Variants in CNIH3 observed in about 807,000 individuals in gnomAD.
CNIH3 encodes the protein protein cornichon homolog 3.
In CNIH3, 14 loss-of-function variants were observed where a neutral mutation model predicts 24.1. That is an observed-to-expected ratio of 0.58 (90% CI 0.38 to 0.91). The LOEUF (loss-of-function observed/expected upper bound fraction) is 0.91. CNIH3 is among the 40% of genes least tolerant of loss of function. The pLI is 0.00. For synonymous variants in CNIH3, 68 were observed against 73.8 expected, an observed-to-expected ratio of 0.92 and a Z score of 0.40; for missense variants, 178 against 196.8, an observed-to-expected ratio of 0.90 and a Z score of 0.57.
chr1:224,613,341 C>A (rs146065645), upstream of CNIH3, among the ~76,000 whole-genome samples: 415 of 152,320 alleles, frequency 2.7e-3, 1 homozygote, highest in African/African-American at 9.7e-3. Flanking sequence ...GGAAGAAATA[C>A]TTCTGTAAAA....
At chr1:224,465,250 C>G (rs1483950813) in intron 1 of CNIH3, among the ~76,000 whole-genome samples, 4 of 152,170 alleles carry the variant, frequency 2.6e-5, no homozygotes. Context: ...GCTGGGATTA[C>G]AGGCATGCAC....
At chr1:224,491,479 T>C (rs572767776) in intron 1 of CNIH3, among the ~76,000 whole-genome samples, 16 of 152,340 alleles carry the variant, frequency 1.1e-4, no homozygotes, top group African/African-American at 3.8e-4. Context: ...ATAAATTATG[T>C]TTAAAACAAT....
At chr1:224,485,117 G>A (rs554771715) in intron 1 of CNIH3, among the ~76,000 whole-genome samples, 22 of 152,258 alleles carry the variant, frequency 1.4e-4, no homozygotes, top group African/African-American at 4.6e-4. Flanking sequence ...ATGTAGTTGA[G>A]TTTATTGGAA....
chr1:224,608,826 A>T (rs1013373668), intron 3 of CNIH3, among the ~76,000 whole-genome samples: 14 of 152,198 alleles, frequency 9.2e-5, no homozygotes, highest in African/African-American at 2.4e-5. Context: ...CCACATGCAC[A>T]GTGTGTTTAC....
chr1:224,479,918 G>A (rs994318070), intron 1 of CNIH3, among the ~76,000 whole-genome samples: 3 of 152,118 alleles, frequency 2.0e-5, no homozygotes, highest in African/African-American at 4.8e-5. Context: ...GGAGGACAGC[G>A]GCCCTATTTT....
chr1:224,453,130 T>A (rs1278914071), intron 1 of CNIH3, among the ~76,000 whole-genome samples: 1 of 151,358 alleles, frequency 6.6e-6, no homozygotes, highest in African/African-American at 2.4e-5. Context: ...CAAAAAAAAA[T>A]TATATGTATT....
At chr1:224,694,086 G>A (rs757346926) in intron 3 of CNIH3, among the ~76,000 whole-genome samples, 3 of 152,234 alleles carry the variant, frequency 2.0e-5, no homozygotes, top group Non-Finnish European at 4.4e-5. Flanking sequence ...TGTGGAGGAG[G>A]AGAGGAGAGG....
intron 4 of CNIH3, among the ~76,000 whole-genome samples, chr1:224,731,059 A>G (rs1358516330): frequency 1.3e-5 from 2 of 152,206 alleles, no homozygotes; most frequent in Non-Finnish European, 2.9e-5. Context: ...AGGCAAATCT[A>G]TAGACAGAAA....
At chr1:224,738,037 C>T (rs7414300) in intron 5 of CNIH3, among the ~76,000 whole-genome samples, 78,439 of 152,024 alleles carry the variant, frequency 0.52, 21,089 homozygotes, top group Non-Finnish European at 0.57. Context: ...AGGTTTATTT[C>T]TCTCCATCTA....
downstream of CNIH3, among the ~76,000 whole-genome samples, chr1:224,591,954 A>T (rs901793662): frequency 2.0e-4 from 30 of 152,306 alleles, no homozygotes; most frequent in African/African-American, 7.2e-4. Flanking sequence ...ATCAACATAG[A>T]TTATTAATAG....
chr1:224,698,062 C>CA (rs1687270144), intron 3 of CNIH3, among the ~76,000 whole-genome samples: 1 of 152,200 alleles, frequency 6.6e-6, no homozygotes, highest in Non-Finnish European at 1.5e-5. Flanking sequence ...ATTCCTTAAG[C>CA]AATTTGGGGC....
chr1:224,626,761 C>G (rs1212247719), intron 1 of CNIH3, among the ~76,000 whole-genome samples: 3 of 152,178 alleles, frequency 2.0e-5, no homozygotes, highest in Admixed American at 6.5e-5. Flanking sequence ...TCCCACAACT[C>G]CCCATCTCAC....
intron 3 of CNIH3, among the ~76,000 whole-genome samples, chr1:224,557,156 C>T (rs1680171489): frequency 6.6e-6 from 1 of 152,162 alleles, no homozygotes; most frequent in Admixed American, 6.5e-5. Context: ...ATCCTCCCAC[C>T]TCAGACTCCT....
intron 1 of CNIH3, among the ~76,000 whole-genome samples, chr1:224,647,887 G>A (rs938378492): frequency 3.3e-5 from 5 of 152,046 alleles, no homozygotes; most frequent in African/African-American, 1.2e-4. Context: ...GATAGTGGCA[G>A]GTCGGTAAGA....
intron 1 of CNIH3, among the ~76,000 whole-genome samples, chr1:224,680,460 T>C (rs1686345820): frequency 6.6e-6 from 1 of 152,246 alleles, no homozygotes; most frequent in African/African-American, 2.4e-5. Context: ...CGTCCAGGCT[T>C]GTGGACATCT....
intron 1 of CNIH3, among the ~76,000 whole-genome samples, chr1:224,456,240 C>T (rs1011053778): frequency 7.9e-5 from 12 of 152,200 alleles, no homozygotes; most frequent in African/African-American, 2.2e-4. Context: ...TTTTCACAAG[C>T]TCTGCATTGT....
intron 1 of CNIH3, among the ~76,000 whole-genome samples, chr1:224,633,738 TC>T (rs1683944032): frequency 6.6e-6 from 1 of 151,884 alleles, no homozygotes; most frequent in African/African-American, 2.4e-5. Context: ...CTCTAGATTA[TC>T]CCCCCACCAG....
intron 1 of CNIH3, among the ~76,000 whole-genome samples, chr1:224,497,239 G>A (rs543206692): frequency 6.6e-6 from 1 of 152,322 alleles, no homozygotes; most frequent in East Asian, 1.9e-4. Flanking sequence ...GGGAGTGACT[G>A]CTAATAGGTA....
intron 1 of CNIH3, among the ~76,000 whole-genome samples, chr1:224,468,208 G>C (rs1676226542): frequency 6.6e-6 from 1 of 152,050 alleles, no homozygotes; most frequent in African/African-American, 2.4e-5. Context: ...TTTAGAATAA[G>C]TTATTTATAT....
Sources: gnomAD v4.1 joint callset for allele counts (sites outside exome capture counted in the v4.1 genomes callset) on GRCh38, gnomAD v4.1.1 for gene constraint, MANE v1.5 for transcripts, NCBI Gene and HGNC (gene_info 2026-07-23, HGNC 2026-07-21) for gene names.